Variants in LNPEP observed in about 807,000 individuals in gnomAD.
LNPEP encodes leucyl and cystinyl aminopeptidase.
In LNPEP, 64 loss-of-function variants were observed where a neutral mutation model predicts 120.6. That is an observed-to-expected ratio of 0.53 (90% CI 0.43 to 0.65). LNPEP has a LOEUF of 0.65. Among genes scored for constraint, LNPEP ranks in the 30% least tolerant of loss-of-function variants. The pLI, the probability that LNPEP is intolerant of heterozygous loss-of-function variation, is 0.00. For missense variants in LNPEP, 1,057 were observed against 1,200.0 expected, an observed-to-expected ratio of 0.88 and a Z score of 1.76; for synonymous variants, 435 against 425.4, an observed-to-expected ratio of 1.02 and a Z score of -0.28.
In LNPEP at chr5:97,028,677, C is replaced by T. The variant is rs1159748934; in HGVS notation, c.*144C>T. On this transcript the variant is annotated 3_prime_UTR_variant, in exon 18 of 18. Transcript: ENST00000231368. ...GAGTTCTAGTTAGCTCAGGGCCTGA[C>T]TGTATTTTTCATCCATCTTTTCTGA... 8.2e-6 allele frequency: 6 copies of T among 730,890 alleles called. No homozygotes were observed. Among genetic ancestry groups the T allele is most frequent in the South Asian group, 1.8e-5 (1 of 55,356 alleles). 45.3% of individuals were successfully genotyped at this position (730,890 alleles called of 1,614,324 possible). A position where few individuals can be genotyped will look rare whatever the true frequency, so the allele number is the denominator to read the frequency against.
intron 1 of LNPEP, chr5:96,962,520 C>T (rs1789628375): frequency 6.6e-6 from 1 of 152,124 alleles, no homozygotes; most frequent in South Asian, 2.1e-4. Flanking sequence ...ATATTATTAT[C>T]CCCATCTTAT....
intron 13 of LNPEP, among the ~76,000 whole-genome samples, chr5:97,018,346 G>A (rs555063868): frequency 7.2e-5 from 11 of 152,022 alleles, no homozygotes; most frequent in South Asian, 6.2e-4. Context: ...TGCTCAAGAA[G>A]CACTTGATAC....
At chr5:97,015,215 C>T (rs1454530404) in intron 13 of LNPEP, 120 bp downstream of exon 13, 2 of 574,912 alleles carry the variant, frequency 3.5e-6, no homozygotes, top group African/African-American at 1.9e-5. Context: ...TCTTCACTTT[C>T]CTGCTTGTGA....
intron 1 of LNPEP, among the ~76,000 whole-genome samples, chr5:96,949,110 C>G (rs1418498878): frequency 1.3e-5 from 2 of 152,190 alleles, no homozygotes; most frequent in Non-Finnish European, 2.9e-5. Flanking sequence ...TTTCTTGGAT[C>G]CTAATTCTTT....
intron 4 of LNPEP, among the ~76,000 whole-genome samples, chr5:96,989,856 AT>A (rs1163661990): frequency 6.6e-6 from 1 of 152,164 alleles, no homozygotes; most frequent in East Asian, 1.9e-4. Context: ...ATTAAACTAC[AT>A]TTTTTCCTAA....
intron 9 of LNPEP, among the ~76,000 whole-genome samples, chr5:97,004,911 C>T (rs1194809820): frequency 6.6e-6 from 1 of 152,140 alleles, no homozygotes; most frequent in Non-Finnish European, 1.5e-5. Flanking sequence ...ATATTTCTGC[C>T]TTTCTCATTG....
intron 1 of LNPEP, among the ~76,000 whole-genome samples, chr5:96,941,462 TTTTA>T (rs1225943235): frequency 6.6e-6 from 1 of 152,140 alleles, no homozygotes; most frequent in Non-Finnish European, 1.5e-5. Context: ...AGACACAGTC[TTTTA>T]TTTATTTATT....
intron 11 of LNPEP, chr5:97,010,734 A>G: frequency 1.0e-6 from 1 of 985,368 alleles, no homozygotes; most frequent in Non-Finnish European, 1.2e-6. Context: ...CAATAGACTG[A>G]AAATTGAAGT....
chr5:97,009,812 C>T (rs557213103), intron 11 of LNPEP, among the ~76,000 whole-genome samples: 5 of 152,302 alleles, frequency 3.3e-5, no homozygotes, highest in Middle Eastern at 3.4e-3. Context: ...GTGAGAATTA[C>T]TCTTAATTTA....
chr5:97,000,569 A>G (rs1790626430), intron 8 of LNPEP, among the ~76,000 whole-genome samples: 1 of 152,212 alleles, frequency 6.6e-6, no homozygotes, highest in African/African-American at 2.4e-5. Context: ...ACTAGCCCAC[A>G]GTAAACAGCC....
At chr5:96,959,933 C>CTTT (rs11316262) in intron 1 of LNPEP, among the ~76,000 whole-genome samples, 99 of 113,142 alleles carry the variant, frequency 8.8e-4, no homozygotes, top group Non-Finnish European at 1.0e-3. Flanking sequence ...TAAAATTTAT[C>CTTT]TTTTTTTTTT....
At position 96,957,680 on chromosome 5, in the gene LNPEP, A is replaced by C. The variant is rs1789502598; in HGVS notation, c.20-21458A>C. Among the ~76,000 whole-genome samples, 5 of 152,196 alleles carry C rather than the reference A, an allele frequency of 3.3e-5. No homozygotes were observed. In the South Asian group the frequency reaches 1.0e-3, roughly 32 times the overall value. ...AGTTTCTAGAAGCTGAAAAACAGAA[A>C]GAAACGGATTCTCTCCAGAACTTCC... On this transcript the variant is annotated intron_variant, in intron 1 of 17. Coordinates refer to ENST00000231368, the MANE Select transcript of LNPEP (RefSeq NM_005575.3).
chr5:96,955,025 G>T (rs1306263036), intron 1 of LNPEP, among the ~76,000 whole-genome samples: 1 of 148,890 alleles, frequency 6.7e-6, no homozygotes, highest in African/African-American at 2.5e-5. Flanking sequence ...CTCGTGATCC[G>T]CCTGCCTCGG....
chr5:97,007,614 T>C (rs561570914), intron 11 of LNPEP, among the ~76,000 whole-genome samples: 3 of 152,348 alleles, frequency 2.0e-5, no homozygotes, highest in South Asian at 4.1e-4. Flanking sequence ...ACTATTCTTA[T>C]GATTATTTGT....
chr5:96,956,948 T>C (rs1789483264), intron 1 of LNPEP, among the ~76,000 whole-genome samples: 1 of 152,216 alleles, frequency 6.6e-6, no homozygotes, highest in Non-Finnish European at 1.5e-5. Context: ...ATTTTTCTTT[T>C]AAGAATTTTT....
At chr5:96,972,148 C>G (rs1321734313) in intron 1 of LNPEP, among the ~76,000 whole-genome samples, 1 of 152,046 alleles carries the variant, frequency 6.6e-6, no homozygotes, top group Non-Finnish European at 1.5e-5. Context: ...GGCTGATCAC[C>G]TTGTGTAGGC....
intron 11 of LNPEP, chr5:97,010,572 C>T (rs568210194): frequency 2.3e-5 from 23 of 984,786 alleles, no homozygotes; most frequent in African/African-American, 1.2e-4. Flanking sequence ...GTAGTAAAAA[C>T]GGGTTTTTTA....
At chr5:96,959,885 GTA>G (rs1476424748) in intron 1 of LNPEP, among the ~76,000 whole-genome samples, 1 of 144,680 alleles carries the variant, frequency 6.9e-6, no homozygotes, top group Non-Finnish European at 1.5e-5. Context: ...ATATTCACAT[GTA>G]TATTTCAACA....
At chr5:96,958,834 T>TTC in intron 1 of LNPEP, 1 of 144,774 alleles carries the variant, frequency 6.9e-6, no homozygotes, top group Admixed American at 6.9e-5. Context: ...TTTTTTTTTT[T>TTC]TTTTTTTTTT....
Sources: allele counts gnomAD v4.1 joint callset (sites outside exome capture counted in the v4.1 genomes callset), GRCh38; gene constraint gnomAD v4.1.1; transcripts MANE v1.5; gene names NCBI Gene and HGNC (gene_info 2026-07-23, HGNC 2026-07-21).